Variants in GADD45GIP1 observed in about 807,000 individuals in gnomAD.
GADD45GIP1 encodes the protein GADD45G interacting protein 1.
GADD45GIP1 carries 17 observed loss-of-function variants against 22.1 expected under a neutral mutation model. That is an observed-to-expected ratio of 0.77 (90% CI 0.53 to 1.15). The LOEUF (loss-of-function observed/expected upper bound fraction) is 1.15. Among genes scored for constraint, GADD45GIP1 ranks in the 50% most tolerant of loss-of-function variants. The probability of loss-of-function intolerance (pLI) is 0.00; values close to 1 mark genes in which losing one functional copy is unlikely to be tolerated. For missense variants in GADD45GIP1, 294 were observed against 314.0 expected (o/e 0.94, Z 0.48); for synonymous variants, 135 against 138.4 (o/e 0.98, Z 0.17).
At chr19:12,955,025 G>T (rs1054815080) in intron 1 of GADD45GIP1, among the ~76,000 whole-genome samples, 7 of 152,090 alleles carry the variant, frequency 4.6e-5, no homozygotes, top group Admixed American at 3.3e-4. Flanking sequence ...GTGTCATGGG[G>T]TTTTTTTGTA....
intron 1 of GADD45GIP1, among the ~76,000 whole-genome samples, chr19:12,956,223 C>A (rs1390001856): frequency 6.6e-6 from 1 of 152,240 alleles, no homozygotes; most frequent in East Asian, 1.9e-4. Context: ...TATTATCTTG[C>A]CTGTCAGCTG....
intron 1 of GADD45GIP1, among the ~76,000 whole-genome samples, chr19:12,954,768 A>G (rs1467992308): frequency 1.3e-5 from 2 of 152,210 alleles, no homozygotes; most frequent in South Asian, 2.1e-4. Flanking sequence ...GCCAAAGCCA[A>G]ATCAGCATTT....
At position 12,957,118 on chromosome 19, in the gene GADD45GIP1, C is replaced by T; in HGVS notation, c.95G>A (p.Arg32His). The T allele has an allele frequency of 1.4e-6, 2 of 1,422,984 alleles. No homozygotes were observed. The highest frequency in any genetic ancestry group is 1.8e-6 in the Non-Finnish European group (2 of 1,101,820). 88.1% of individuals were successfully genotyped at this position (1,422,984 alleles called of 1,614,324 possible). The change falls in exon 1 of 2, where the codon CGC (arginine) becomes CAC (histidine). Residue 32 changes from arginine (R) to histidine (H), a missense_variant. By Grantham distance (29) the Arg-to-His change is conservative. Transcript: ENST00000316939. ...TGGCCACCGGGGTCCCGGCCTGCGG[C>T]GCGGGGGCGGCCGCGCCCGGTAGCC... ...SRGYRARPPPRRRPGPRWPDP... is the reference protein window; with the variant it reads ...SRGYRARPPPHRRPGPRWPDP...
In GADD45GIP1 at chr19:12,954,177, G is replaced by A; in HGVS notation, c.*31C>T. 1 of 1,586,068 alleles carries A rather than the reference G, an allele frequency of 6.3e-7. No individual in the cohort carries two copies. The highest frequency in any genetic ancestry group is 8.6e-7 in the Non-Finnish European group (1 of 1,161,522). On this transcript the variant is annotated 3_prime_UTR_variant, in exon 2 of 2. Coordinates refer to ENST00000316939, the MANE Select transcript of GADD45GIP1 (RefSeq NM_052850.4). ...CAGATCTCTTCAGGGGTACTGCCAGGTAGCAGGCTTTATTGGGAAGGGACA... is the reference window on the plus strand; with the variant it reads ...CAGATCTCTTCAGGGGTACTGCCAGATAGCAGGCTTTATTGGGAAGGGACA...
chr19:12,954,259 C>G lies in GADD45GIP1; in HGVS notation c.618G>C (p.Leu206Phe). The G allele has an allele frequency of 6.2e-7, 1 of 1,613,872 alleles. No homozygotes were observed. The highest frequency in any genetic ancestry group is 8.5e-7 in the Non-Finnish European group (1 of 1,180,016). ...CTGGGTCTTGAGCCACAGCTGCAGC[C>G]AATGCAGCAGCTCGCGCCTCCTTCT... is the stretch of plus-strand genomic sequence containing the variant. ...KRKKEARAAA[L>F]AAAVAQDPAA... The change falls in exon 2 of 2, where the codon TTG (leucine) becomes TTC (phenylalanine). Residue 206 changes from leucine (L) to phenylalanine (F), a missense_variant. By Grantham distance (22) the Leu-to-Phe change is conservative (BLOSUM62 0). Transcript: ENST00000316939.
intron 1 of GADD45GIP1, among the ~76,000 whole-genome samples, chr19:12,956,658 A>AAAACAAAC (rs369627142): frequency 1.3e-5 from 2 of 152,106 alleles, no homozygotes; most frequent in Non-Finnish European, 2.9e-5. Flanking sequence ...TTGTCTCCAA[A>AAAACAAAC]AAACAAACAA....
chr19:12,956,768 G>A, intron 1 of GADD45GIP1, 95 bp downstream of exon 1: 1 of 1,033,370 alleles, frequency 9.7e-7, no homozygotes, highest in Non-Finnish European at 1.5e-6. Context: ...ACATGCAGAT[G>A]CTGCGACGTG....
chr19:12,953,927 A>C lies in GADD45GIP1; in HGVS notation c.*281T>G. On this transcript the variant is annotated 3_prime_UTR_variant, in exon 2 of 2. Transcript: ENST00000316939. ...CCACCAGCCTTGTAATTGGCTAATT[A>C]CTGGAGATGAATGTTGGTAAACAGA... The C allele has an allele frequency of 2.7e-6, 1 of 370,700 alleles. No homozygotes were observed. Among genetic ancestry groups the C allele is most frequent in the South Asian group, 4.5e-5 (1 of 22,084 alleles). The allele number at this position is 370,700 out of a possible 1,614,324, so 23.0% of individuals were successfully genotyped here.
chr19:12,954,241 T>G lies in GADD45GIP1; in HGVS notation c.636A>C (p.Gln212His). ...RAAALAAAVA[Q>H]DPAASGAPSS ...TGGGTGCCCCAGAGGCTGCTGGGTC[T>G]TGAGCCACAGCTGCAGCCAATGCAG... The change falls in exon 2 of 2, where the codon CAA becomes CAC. Residue 212 changes from glutamine (Q) to histidine (H), a missense_variant. Physicochemically the swap from Gln to His is conservative, Grantham distance 24. Transcript: ENST00000316939. 6.2e-7 allele frequency: 1 copy of G among 1,614,108 alleles called. No individual in the cohort carries two copies. The highest frequency in any genetic ancestry group is 1.7e-5 in the Admixed American group (1 of 60,004).
In GADD45GIP1 at chr19:12,953,160, T is replaced by C. The variant is rs1971862901; in HGVS notation, c.*1048A>G. The C allele has an allele frequency of 1.3e-6, 1 of 764,960 alleles. No individual in the cohort carries two copies. Among genetic ancestry groups the C allele is most frequent in the Non-Finnish European group, 2.0e-6 (1 of 506,712 alleles). The allele number at this position is 764,960 out of a possible 1,614,324, so 47.4% of individuals were successfully genotyped here. ...TTTATTTAAGAAATGGAAAAAAAAA[T>C]CAAAAATCTTAAAAAAACAAGCAAA... On this transcript the variant is annotated 3_prime_UTR_variant, in exon 2 of 2. Transcript: ENST00000316939.
At chr19:12,955,815 T>C (rs1272387551) in intron 1 of GADD45GIP1, among the ~76,000 whole-genome samples, 1 of 151,790 alleles carries the variant, frequency 6.6e-6, no homozygotes, top group Admixed American at 6.6e-5. Flanking sequence ...GAGCTGAGAT[T>C]GCACTCCAGC....
At position 12,953,202 on chromosome 19, in the gene GADD45GIP1, C is replaced by A; in HGVS notation, c.*1006G>T. ...ACAAGCAAACAGTCCAGCTTCCTGT[C>A]CTCCTAAAGTGGCCCCTGTTCCCAT... On this transcript the variant is annotated 3_prime_UTR_variant, in exon 2 of 2. Transcript: ENST00000316939. The A allele has an allele frequency of 1.8e-6, 1 of 563,002 alleles. No individual in the cohort carries two copies. Among genetic ancestry groups the A allele is most frequent in the Admixed American group, 3.7e-5 (1 of 27,198 alleles). 34.9% of individuals were successfully genotyped at this position (563,002 alleles called of 1,614,324 possible). A position where few individuals can be genotyped will look rare whatever the true frequency, so the allele number is the denominator to read the frequency against.
At chr19:12,955,276 C>T (rs576385971) in intron 1 of GADD45GIP1, among the ~76,000 whole-genome samples, 11 of 152,214 alleles carry the variant, frequency 7.2e-5, no homozygotes, top group East Asian at 3.9e-4. Flanking sequence ...GACATGATCT[C>T]GTTCTTTTTT....
rs1031172465 is a variant in GADD45GIP1, at chr19:12,953,326, C to G, written c.*882G>C. On this transcript the variant is annotated 3_prime_UTR_variant, in exon 2 of 2. Coordinates refer to ENST00000316939, the MANE Select transcript of GADD45GIP1 (RefSeq NM_052850.4). ...AGGCGACAGATGGGCCCCTCTTGGC[C>G]TCTGTCCCAGCTCTCTGCAGCCAGA... The G allele has an allele frequency of 5.7e-5, 16 of 279,154 alleles. No individual in the cohort carries two copies. In the East Asian group the frequency reaches 7.0e-4, roughly 12 times the overall value. 17.3% of individuals were successfully genotyped at this position (279,154 alleles called of 1,614,324 possible).
In GADD45GIP1 at chr19:12,953,212, T is replaced by TTTA. The variant is rs1191642010; in HGVS notation, c.*995_*996insTAA. 7 of 520,784 alleles carry TTTA rather than the reference T, an allele frequency of 1.3e-5. No homozygotes were observed. The highest frequency in any genetic ancestry group is 2.3e-5 in the Non-Finnish European group (7 of 310,428). The allele number at this position is 520,784 out of a possible 1,614,324, so 32.3% of individuals were successfully genotyped here. A position where few individuals can be genotyped will look rare whatever the true frequency, so the allele number is the denominator to read the frequency against. ...AGTCCAGCTTCCTGTCCTCCTAAAG[T>TTTA]GGCCCCTGTTCCCATCTCCCGGGCC... On this transcript the variant is annotated 3_prime_UTR_variant, in exon 2 of 2. Coordinates refer to ENST00000316939, the MANE Select transcript of GADD45GIP1 (RefSeq NM_052850.4).
At position 12,954,436 on chromosome 19, in the gene GADD45GIP1, C is replaced by T. The variant is rs1167440125; in HGVS notation, c.441G>A (p.Gln147=). The change falls in exon 2 of 2, where the codon CAG becomes CAA. Residue 147 remains glutamine (Q), a synonymous_variant. Coordinates refer to ENST00000316939, the MANE Select transcript of GADD45GIP1 (RefSeq NM_052850.4). ...QQQRENWEKA[Q]ADKERRARLQ... The stretch of plus-strand genomic sequence containing the variant: ...GTCGGGCCCTCCTCTCCTTGTCAGC[C>T]TGGGCCTTCTCCCAGTTCTCCCGCT... 4 of 1,614,216 alleles carry T rather than the reference C, an allele frequency of 2.5e-6. No individual in the cohort carries two copies. Among genetic ancestry groups the T allele is most frequent in the Non-Finnish European group, 2.5e-6 (3 of 1,180,030 alleles).
intron 1 of GADD45GIP1, among the ~76,000 whole-genome samples, chr19:12,955,733 C>T (rs769145415): frequency 6.6e-6 from 1 of 152,004 alleles, no homozygotes; most frequent in South Asian, 2.1e-4. Context: ...TGGTGGTGGG[C>T]GCTTGTAATC....
rs2073764230 is a variant in GADD45GIP1, at chr19:12,953,950, A to G, written c.*258T>C. ...TTACTGGAGATGAATGTTGGTAAACAGAAGCCTTCTTCTCTTCTGCCATCT... is the reference window on the plus strand; with the variant it reads ...TTACTGGAGATGAATGTTGGTAAACGGAAGCCTTCTTCTCTTCTGCCATCT... On this transcript the variant is annotated 3_prime_UTR_variant, in exon 2 of 2. Transcript: ENST00000316939. 1 of 473,226 alleles carries G rather than the reference A, an allele frequency of 2.1e-6. No homozygotes were observed. The highest frequency in any genetic ancestry group is 2.0e-5 in the African/African-American group (1 of 50,554). The allele number at this position is 473,226 out of a possible 1,614,324, so 29.3% of individuals were successfully genotyped here. A position where few individuals can be genotyped will look rare whatever the true frequency, so the allele number is the denominator to read the frequency against.
chr19:12,956,658 AAAAC>A (rs369627142), intron 1 of GADD45GIP1, among the ~76,000 whole-genome samples: 2,858 of 152,220 alleles, frequency 0.019, 44 homozygotes, highest in Middle Eastern at 0.065. Context: ...TTGTCTCCAA[AAAAC>A]AAACAAACAA....
Sources: gnomAD v4.1 joint callset for allele counts (sites outside exome capture counted in the v4.1 genomes callset) on GRCh38, gnomAD v4.1.1 for gene constraint, MANE v1.5 for transcripts, NCBI Gene and HGNC (gene_info 2026-07-23, HGNC 2026-07-21) for gene names.